The following SLC25A31 variants were observed in gnomAD, a reference collection of about 807,000 sequenced individuals.
The protein encoded by SLC25A31 is ADP/ATP translocase 4.
SLC25A31 carries 40 observed loss-of-function variants against 36.2 expected under a neutral mutation model. The ratio of observed to expected loss-of-function variants is 1.10; its 90% CI spans 0.86 to 1.44. The LOEUF (loss-of-function observed/expected upper bound fraction) is 1.44, where lower values mean the gene tolerates loss of function less well. Ranked by LOEUF, SLC25A31 falls within the 40% of genes most tolerant of loss-of-function variation. The pLI, the probability that SLC25A31 is intolerant of heterozygous loss-of-function variation, is 0.00. For synonymous variants in SLC25A31, 143 were observed against 149.7 expected (o/e 0.96, Z 0.32); for missense variants, 350 against 397.1 (o/e 0.88, Z 1.01).
chr4:127,771,967 C>G (rs767898846), intron 5 of SLC25A31, among the ~76,000 whole-genome samples: 3 of 152,138 alleles, frequency 2.0e-5, no homozygotes, highest in Non-Finnish European at 4.4e-5. Flanking sequence ...GTAGCACTTG[C>G]TAGATTTGAT....
At chr4:127,767,276 T>G in intron 4 of SLC25A31, 56 bp downstream of exon 4, 1 of 1,332,710 alleles carries the variant, frequency 7.5e-7, no homozygotes, top group South Asian at 1.9e-5. Context: ...ATTTATTTAA[T>G]TAGTAATGTT....
intron 2 of SLC25A31, among the ~76,000 whole-genome samples, chr4:127,746,363 A>G (rs183708475): frequency 1.6e-4 from 25 of 152,288 alleles, no homozygotes; most frequent in South Asian, 1.2e-3. Context: ...AGGAATCACT[A>G]TACTGCTTTC....
chr4:127,761,011 T>C (rs897981027), intron 2 of SLC25A31, among the ~76,000 whole-genome samples: 3 of 152,072 alleles, frequency 2.0e-5, no homozygotes, highest in African/African-American at 7.2e-5. Context: ...CTTATACTTA[T>C]ATACATACTA....
Position 127,744,715 on chromosome 4 carries a change from G to A in SLC25A31, c.276G>A (p.Arg92=). Residue 92 remains arginine (R), a synonymous_variant, in exon 2 of 6, where the codon CGG becomes CGA. Coordinates refer to ENST00000281154, the MANE Select transcript of SLC25A31 (RefSeq NM_031291.4). ...GTGGCAATTTGGCAAATGTTATTCG[G>A]TATTTTCCAACACAAGCTCTAAACT... ...FWRGNLANVI[R]YFPTQALNFA... 1.2e-6 allele frequency: 2 copies of A among 1,605,310 alleles called. No homozygotes were observed. Among genetic ancestry groups the A allele is most frequent in the Non-Finnish European group, 1.7e-6 (2 of 1,175,128 alleles).
chr4:127,740,295 G>C (rs1268040429), intron 1 of SLC25A31, among the ~76,000 whole-genome samples: 1 of 152,046 alleles, frequency 6.6e-6, no homozygotes, highest in African/African-American at 2.4e-5. Flanking sequence ...TCCCTTGGGG[G>C]TGTAACTGTA....
rs1006418331 is a variant in SLC25A31, at chr4:127,730,430, A to G, written c.-116A>G. ...CGCGCGGCTCTCTCAGCGTCCCAAG[A>G]GCCACTTTCTCGCCAGTACGATGCT... On this transcript the variant is annotated 5_prime_UTR_variant, in exon 1 of 6. Coordinates refer to ENST00000281154, the MANE Select transcript of SLC25A31 (RefSeq NM_031291.4). 24 of 1,141,686 alleles carry G rather than the reference A, an allele frequency of 2.1e-5. No individual in the cohort carries two copies. The highest frequency in any genetic ancestry group is 2.7e-5 in the Non-Finnish European group (22 of 806,686). 70.7% of individuals were successfully genotyped at this position (1,141,686 alleles called of 1,614,324 possible). A position where few individuals can be genotyped will look rare whatever the true frequency, so the allele number is the denominator to read the frequency against.
chr4:127,730,885 A>G (rs1731511759), intron 1 of SLC25A31, 108 bp downstream of exon 1: 5 of 1,033,566 alleles, frequency 4.8e-6, no homozygotes, highest in African/African-American at 1.6e-5. Context: ...AACCACAGCT[A>G]CAGCTGTCGG....
intron 1 of SLC25A31, among the ~76,000 whole-genome samples, chr4:127,741,947 T>C (rs191600167): frequency 4.9e-4 from 75 of 152,330 alleles, no homozygotes; most frequent in African/African-American, 1.6e-3. Context: ...TACAACTCTT[T>C]GTATTACTGT....
At chr4:127,756,464 T>C (rs1732032790) in intron 2 of SLC25A31, among the ~76,000 whole-genome samples, 1 of 152,156 alleles carries the variant, frequency 6.6e-6, no homozygotes, top group Non-Finnish European at 1.5e-5. Flanking sequence ...TAGATGTTGC[T>C]CAAAGGGTAC....
rs1731586664 is a variant in SLC25A31 at position 127,734,521 on chromosome 4, C to T, written c.232+3744C>T. On this transcript the variant is annotated intron_variant, in intron 1 of 5. Coordinates refer to ENST00000281154, the MANE Select transcript of SLC25A31 (RefSeq NM_031291.4). Reference sequence around the variant, plus strand: ...GCTTCAGTGAGCCAAGATCGTGCCACTACACTCCATCCTGGGTACAGAGGA... The same window carrying T: ...GCTTCAGTGAGCCAAGATCGTGCCATTACACTCCATCCTGGGTACAGAGGA... Among the ~76,000 whole-genome samples, 4 of 137,774 alleles carry T rather than the reference C, an allele frequency of 2.9e-5. No individual in the cohort carries two copies. In the South Asian group the frequency reaches 6.7e-4, roughly 23 times the overall value. The allele number at this position is 137,774 out of a possible 152,430, so 90.4% of individuals were successfully genotyped here. A position where few individuals can be genotyped will look rare whatever the true frequency, so the allele number is the denominator to read the frequency against.
chr4:127,773,365 C>T (rs756776692), intron 5 of SLC25A31, 21 bp from the exon 6 acceptor site: 12 of 1,586,596 alleles, frequency 7.6e-6, no homozygotes, highest in Middle Eastern at 1.7e-4. Context: ...AATGGAAAAC[C>T]CTTTGTTTTT....
At position 127,744,813 on chromosome 4, in the gene SLC25A31, T is replaced by G. The variant is rs1731795577; in HGVS notation, c.360+14T>G. 2.1e-6 allele frequency: 3 copies of G among 1,437,390 alleles called. No individual in the cohort carries two copies. The highest frequency in any genetic ancestry group is 2.8e-6 in the Non-Finnish European group (3 of 1,071,892). The allele number at this position is 1,437,390 out of a possible 1,614,324, so 89.0% of individuals were successfully genotyped here. ...AAAGAAAAACAGGTAATTATATTTT[T>G]TTTTTACTTTTTTCTTCCAATATAG... On this transcript the variant is annotated intron_variant, in intron 2 of 5. Transcript: ENST00000281154.
chr4:127,770,557 A>G lies in SLC25A31; in HGVS notation c.759+1680A>G, dbSNP rs201140965. ...AGGAGAATGGCATGAACCACGAGGC[A>G]GAGCTTGCAGTGAACCAAGATGGCG... On this transcript the variant is annotated intron_variant, in intron 5 of 5. Coordinates refer to ENST00000281154, the MANE Select transcript of SLC25A31 (RefSeq NM_031291.4). Among the ~76,000 whole-genome samples the G allele has an allele frequency of 1.6e-4, 24 of 152,126 alleles. No homozygotes were observed. The East Asian group carries it at 4.3e-3, about 27-fold the overall frequency.
chr4:127,747,680 G>A (rs1731849901), intron 2 of SLC25A31, among the ~76,000 whole-genome samples: 1 of 152,124 alleles, frequency 6.6e-6, no homozygotes, highest in Non-Finnish European at 1.5e-5. Flanking sequence ...GCATAGCATA[G>A]TACCTTGCTT....
chr4:127,746,023 A>G (rs1211290243), intron 2 of SLC25A31, among the ~76,000 whole-genome samples: 2 of 152,050 alleles, frequency 1.3e-5, no homozygotes, highest in South Asian at 2.1e-4. Context: ...AGTTCTCATC[A>G]TTTAGCTCCC....
At chr4:127,743,231 A>T (rs1401560066) in intron 1 of SLC25A31, among the ~76,000 whole-genome samples, 1 of 151,832 alleles carries the variant, frequency 6.6e-6, no homozygotes, top group Admixed American at 6.6e-5. Flanking sequence ...CCTCAGCTCA[A>T]GAAATCCTCC....
chr4:127,735,557 A>G (rs1301170617), intron 1 of SLC25A31, among the ~76,000 whole-genome samples: 1 of 152,158 alleles, frequency 6.6e-6, no homozygotes, highest in Non-Finnish European at 1.5e-5. Flanking sequence ...AAGATCAGGA[A>G]CATTGTTCCT....
chr4:127,746,934 T>G (rs1360823333), intron 2 of SLC25A31, among the ~76,000 whole-genome samples: 3 of 152,222 alleles, frequency 2.0e-5, no homozygotes, highest in Non-Finnish European at 4.4e-5. Context: ...TAATCCATCT[T>G]GGGTTGATTT....
intron 3 of SLC25A31, among the ~76,000 whole-genome samples, chr4:127,764,923 A>G (rs1221263918): frequency 1.3e-5 from 2 of 152,176 alleles, no homozygotes; most frequent in African/African-American, 4.8e-5. Context: ...ATTTTCCTTC[A>G]CAATTACGAA....
Sources: gnomAD v4.1 joint callset for allele counts (sites outside exome capture counted in the v4.1 genomes callset) on GRCh38, gnomAD v4.1.1 for gene constraint, MANE v1.5 for transcripts, NCBI Gene and HGNC (gene_info 2026-07-23, HGNC 2026-07-21) for gene names.